Variants in RIN2 observed in about 807,000 individuals in gnomAD.
RIN2 encodes RAB5 interacting protein 2.
RIN2 carries 36 observed loss-of-function variants against 78.0 expected under a neutral mutation model. The ratio of observed to expected loss-of-function variants is 0.46; its 90% CI spans 0.35 to 0.61. The LOEUF (loss-of-function observed/expected upper bound fraction) is 0.61. Among genes scored for constraint, RIN2 ranks in the 20% least tolerant of loss-of-function variants. The pLI, the probability that RIN2 is intolerant of heterozygous loss-of-function variation, is 0.00. For synonymous variants in RIN2, 466 were observed against 466.8 expected (o/e 1.00, Z 0.02); for missense variants, 1,087 against 1,159.7 (o/e 0.94, Z 0.91).
At chr20:19,840,907 G>A (rs1208281727) in intron 2 of RIN2, among the ~76,000 whole-genome samples, 1 of 152,164 alleles carries the variant, frequency 6.6e-6, no homozygotes, top group Non-Finnish European at 1.5e-5. Context: ...TGAGAGATGA[G>A]ACATAACCCA....
At chr20:19,905,482 G>A (rs1221283106) in intron 3 of RIN2, among the ~76,000 whole-genome samples, 1 of 152,210 alleles carries the variant, frequency 6.6e-6, no homozygotes. Flanking sequence ...TAACTCTGTG[G>A]GAGGCTGAGA....
At chr20:19,851,897 T>TTA (rs1291873933) in intron 2 of RIN2, among the ~76,000 whole-genome samples, 1 of 152,138 alleles carries the variant, frequency 6.6e-6, no homozygotes, top group African/African-American at 2.4e-5. Context: ...TTTCTCACAC[T>TTA]TACGTATGCA....
chr20:19,761,215 C>T (rs6106129), intron 1 of RIN2, among the ~76,000 whole-genome samples: 2 of 152,166 alleles, frequency 1.3e-5, no homozygotes, highest in Non-Finnish European at 2.9e-5. Context: ...AAATGAAAGC[C>T]TAAAATTAGT....
chr20:19,940,881 G>A lies in RIN2; in HGVS notation c.158+5682G>A, dbSNP rs143064671. 1.5e-3 allele frequency among the ~76,000 whole-genome samples: 226 copies of A among 152,286 alleles called. 1 individual carries two copies. Among genetic ancestry groups the A allele is most frequent in the Middle Eastern group, 3.4e-3 (1 of 294 alleles). Reference sequence around the variant, plus strand: ...CACTTTATCCTCAGGCGGAACAGAGGGATCCACAGAACAACCTCCCCAGCT... The same window carrying A: ...CACTTTATCCTCAGGCGGAACAGAGAGATCCACAGAACAACCTCCCCAGCT... On this transcript the variant is annotated intron_variant, in intron 4 of 12. Coordinates refer to ENST00000255006, the MANE Select transcript of RIN2 (RefSeq NM_018993.4).
Position 19,975,857 on chromosome 20 carries a change from T to C in RIN2, c.1762+70T>C. On this transcript the variant is annotated intron_variant, in intron 9 of 12. Transcript: ENST00000255006. The surrounding 1 kb of genome is among the most constrained non-coding windows in gnomAD (Gnocchi z 4.9). ...TCCGGGCAGTGCAACCTATGTTTGT[T>C]ATTTTTTATGAAGTTTACTCCGAAG... The C allele has an allele frequency of 7.1e-7, 1 of 1,408,466 alleles. No homozygotes were observed. The highest frequency in any genetic ancestry group is 2.5e-5 in the East Asian group (1 of 40,310). The allele number at this position is 1,408,466 out of a possible 1,614,324, so 87.2% of individuals were successfully genotyped here.
intron 3 of RIN2, among the ~76,000 whole-genome samples, chr20:19,898,675 A>G (rs1269635992): frequency 6.6e-6 from 1 of 152,242 alleles, no homozygotes; most frequent in East Asian, 1.9e-4. Context: ...AGAAATCTGC[A>G]GGCTGGTATA....
intron 2 of RIN2, among the ~76,000 whole-genome samples, chr20:19,871,122 A>C (rs540831175): frequency 6.6e-6 from 1 of 152,342 alleles, no homozygotes; most frequent in African/African-American, 2.4e-5. Flanking sequence ...GCAAGGGATT[A>C]TGAAGAGAAA....
chr20:19,982,550 G>A (rs1285515276), intron 9 of RIN2, among the ~76,000 whole-genome samples: 1 of 152,168 alleles, frequency 6.6e-6, no homozygotes, highest in South Asian at 2.1e-4. Flanking sequence ...CAGAGGAAGG[G>A]CTCAGGCAGG....
rs372195749 is a variant in RIN2, at chr20:19,857,233, C to T, written c.-36-32333C>T. ...CATATATATGGAATCAAAATGTATA[C>T]ACCTTTGTGACTGGCCTCTTTTGCT... On this transcript the variant is annotated intron_variant, in intron 2 of 12. Coordinates refer to ENST00000255006, the MANE Select transcript of RIN2 (RefSeq NM_018993.4). Among the ~76,000 whole-genome samples the T allele has an allele frequency of 1.4e-4, 21 of 152,272 alleles. No individual in the cohort carries two copies. In the South Asian group the frequency reaches 2.7e-3, roughly 20 times the overall value.
chr20:19,946,538 C>T (rs1297088141), intron 4 of RIN2, among the ~76,000 whole-genome samples: 1 of 151,770 alleles, frequency 6.6e-6, no homozygotes, highest in African/African-American at 2.4e-5. Flanking sequence ...GCCAACATGG[C>T]GAAACCCCGT....
At position 19,807,867 on chromosome 20, in the gene RIN2, G is replaced by C. The variant is rs1413385013; in HGVS notation, c.-37+8120G>C. ...GAAGGAGAAGAGGCAAAGCTTTTATGTTGGTTGGAATTTGCAGCCTTAAAT... is the reference window on the plus strand; with the variant it reads ...GAAGGAGAAGAGGCAAAGCTTTTATCTTGGTTGGAATTTGCAGCCTTAAAT... On this transcript the variant is annotated intron_variant, in intron 2 of 12. Coordinates refer to ENST00000255006, the MANE Select transcript of RIN2 (RefSeq NM_018993.4). Among the ~76,000 whole-genome samples, 3 of 152,180 alleles carry C rather than the reference G, an allele frequency of 2.0e-5. No individual in the cohort carries two copies. In the East Asian group the frequency reaches 5.8e-4, roughly 29 times the overall value.
chr20:19,893,036 T>C (rs1369841498), intron 3 of RIN2, among the ~76,000 whole-genome samples: 1 of 152,200 alleles, frequency 6.6e-6, no homozygotes, highest in Non-Finnish European at 1.5e-5. Context: ...AATAAAGATA[T>C]TAATCAAATA....
chr20:19,774,180 A>G (rs1319172720), intron 1 of RIN2, among the ~76,000 whole-genome samples: 2 of 152,152 alleles, frequency 1.3e-5, no homozygotes, highest in African/African-American at 4.8e-5. Context: ...CTCAACTTAC[A>G]TAATGCATCT....
chr20:19,828,506 G>T (rs1454046408), intron 2 of RIN2, among the ~76,000 whole-genome samples: 1 of 152,098 alleles, frequency 6.6e-6, no homozygotes, highest in Non-Finnish European at 1.5e-5. Context: ...TCTGCAGCAG[G>T]AATGAATCAC....
chr20:20,000,977 C>A lies in RIN2; in HGVS notation c.*41C>A. On this transcript the variant is annotated 3_prime_UTR_variant, in exon 13 of 13. Transcript: ENST00000255006. ...TCCCAGTGGTGCATCCAAAGGGGAG[C>A]TGGAAGCCTTGCCTTCCCGCTTCTA... The A allele has an allele frequency of 6.5e-7, 1 of 1,539,006 alleles. No homozygotes were observed. Among genetic ancestry groups the A allele is most frequent in the African/African-American group, 1.4e-5 (1 of 73,222 alleles).
rs1247261880 is a variant in RIN2, at chr20:19,784,453, G to C, written c.-162-15169G>C. On this transcript the variant is annotated intron_variant, in intron 1 of 12. Transcript: ENST00000255006. ...AGCAAATAGATTTGGGTAAATGGAT[G>C]TTTTAGCACAGTAAATGGCATTATT... Among the ~76,000 whole-genome samples the C allele has an allele frequency of 1.4e-4, 21 of 152,258 alleles. No individual in the cohort carries two copies. In the South Asian group the frequency reaches 3.9e-3, roughly 29 times the overall value.
At chr20:19,879,475 T>A (rs2037953979) in intron 2 of RIN2, among the ~76,000 whole-genome samples, 1 of 152,242 alleles carries the variant, frequency 6.6e-6, no homozygotes, top group Non-Finnish European at 1.5e-5. Flanking sequence ...TTCCGCTGAC[T>A]GTCCACATGG....
intron 4 of RIN2, among the ~76,000 whole-genome samples, chr20:19,948,031 C>T (rs554423543): frequency 6.6e-6 from 1 of 152,346 alleles, no homozygotes; most frequent in East Asian, 1.9e-4. Context: ...ATCCTTCCTC[C>T]AACTAACTGC....
chr20:19,921,748 A>G (rs1054221294), intron 3 of RIN2, among the ~76,000 whole-genome samples: 4 of 152,168 alleles, frequency 2.6e-5, no homozygotes, highest in African/African-American at 9.7e-5. Flanking sequence ...CCCAAGAGAA[A>G]CGCATGGTGA....
Sources: allele counts gnomAD v4.1 joint callset (sites outside exome capture counted in the v4.1 genomes callset), GRCh38; gene constraint gnomAD v4.1.1; non-coding constraint Gnocchi (gnomAD v3.1); transcripts MANE v1.5; gene names NCBI Gene and HGNC (gene_info 2026-07-23, HGNC 2026-07-21).